Variants in PHACTR4 observed in about 807,000 individuals in gnomAD.
The protein encoded by PHACTR4 is protein phosphatase 1, regulatory subunit 124.
A neutral mutation model predicts 72.7 loss-of-function variants in PHACTR4; 51 were observed. That is an observed-to-expected ratio of 0.70 (90% confidence interval 0.56 to 0.89). The LOEUF is 0.89. Ranked by LOEUF, PHACTR4 falls within the 40% of genes least tolerant of loss-of-function variation. The pLI is 0.00. For missense variants in PHACTR4, 731 were observed against 861.8 expected (o/e 0.85, Z 1.90); for synonymous variants, 255 against 302.5 (o/e 0.84, Z 1.63).
At chr1:28,462,566 G>A (rs1430466679) in intron 4 of PHACTR4, among the ~76,000 whole-genome samples, 6 of 151,578 alleles carry the variant, frequency 4.0e-5, no homozygotes, top group African/African-American at 9.7e-5. Context: ...GGGTTTCACC[G>A]TTTTGGCCAG....
At chr1:28,457,342 C>T (rs989479462) in intron 2 of PHACTR4, 21 of 446,266 alleles carry the variant, frequency 4.7e-5, no homozygotes, top group Non-Finnish European at 7.7e-5. Flanking sequence ...CACCTTTAAT[C>T]CCAGTGCTTT....
intron 7 of PHACTR4, 39 bp downstream of exon 7, chr1:28,474,190 C>T (rs1659769482): frequency 2.6e-6 from 4 of 1,532,080 alleles, no homozygotes; most frequent in African/African-American, 2.8e-5. Context: ...TTCTCCTTTA[C>T]TCTAGATAGC....
intron 2 of PHACTR4, among the ~76,000 whole-genome samples, chr1:28,436,979 A>G (rs977591020): frequency 9.9e-5 from 15 of 152,262 alleles, no homozygotes; most frequent in Admixed American, 9.2e-4. Flanking sequence ...TATTTCGTTT[A>G]TTGTTTTAGT....
At chr1:28,430,002 C>T (rs1656136084) in intron 2 of PHACTR4, among the ~76,000 whole-genome samples, 1 of 152,010 alleles carries the variant, frequency 6.6e-6, no homozygotes, top group African/African-American at 2.4e-5. Context: ...TTCTGTCATC[C>T]CTCCTATGGC....
chr1:28,423,408 C>CAAATAAATAAAT lies in PHACTR4; in HGVS notation c.16+15970_16+15981dup, dbSNP rs148724281. Reference sequence around the variant, plus strand: ...TGGGCAACAGAGCAAGATCCTGCCTCAAATAAATAAATAAATAAATAAATA... The same window carrying CAAATAAATAAAT: ...TGGGCAACAGAGCAAGATCCTGCCTCAAATAAATAAATAAATAAATAAATAAATAAATAAATA... On this transcript the variant is annotated intron_variant, in intron 2 of 13. Transcript: ENST00000373839. Among the ~76,000 whole-genome samples the CAAATAAATAAAT allele has an allele frequency of 4.6e-3, 684 of 147,676 alleles. 3 individuals carry two copies. Among genetic ancestry groups the CAAATAAATAAAT allele is most frequent in the African/African-American group, 9.9e-3 (398 of 40,232 alleles).
chr1:28,385,080 A>T (rs1182103794), intron 1 of PHACTR4, among the ~76,000 whole-genome samples: 13 of 152,042 alleles, frequency 8.6e-5, no homozygotes, highest in Non-Finnish European at 1.5e-5. Context: ...TTGTAATGTT[A>T]GGTTGTTAAA....
intron 2 of PHACTR4, among the ~76,000 whole-genome samples, chr1:28,431,583 G>A (rs953084776): frequency 6.6e-6 from 1 of 151,930 alleles, no homozygotes; most frequent in Non-Finnish European, 1.5e-5. Context: ...AAAGCTTACC[G>A]TGATCTCAGT....
At chr1:28,444,835 G>C (rs1657331024) in intron 2 of PHACTR4, among the ~76,000 whole-genome samples, 1 of 146,120 alleles carries the variant, frequency 6.8e-6, no homozygotes, top group South Asian at 2.1e-4. Context: ...CACCGTGTTA[G>C]CCAGGATGGT....
At chr1:28,441,206 T>C (rs550592230) in intron 2 of PHACTR4, among the ~76,000 whole-genome samples, 1 of 152,154 alleles carries the variant, frequency 6.6e-6, no homozygotes, top group Non-Finnish European at 1.5e-5. Context: ...TAAGGCATAC[T>C]TCTTTTTTTT....
chr1:28,425,776 TGAAA>T (rs899622603), intron 2 of PHACTR4, among the ~76,000 whole-genome samples: 5 of 152,204 alleles, frequency 3.3e-5, no homozygotes, highest in African/African-American at 1.2e-4. Flanking sequence ...GGAAGAGTTG[TGAAA>T]GAGAGAGAAG....
intron 6 of PHACTR4, 109 bp from the exon 7 acceptor site, chr1:28,473,445 A>C: frequency 2.5e-6 from 2 of 814,644 alleles, no homozygotes; most frequent in Non-Finnish European, 4.0e-6. Flanking sequence ...GAAATTATTT[A>C]ACTTGCTTAA....
At chr1:28,393,288 C>G (rs140061252) in intron 1 of PHACTR4, among the ~76,000 whole-genome samples, 1 of 152,174 alleles carries the variant, frequency 6.6e-6, no homozygotes, top group African/African-American at 2.4e-5. Context: ...GGGACAACAT[C>G]TTTATATACT....
intron 2 of PHACTR4, among the ~76,000 whole-genome samples, chr1:28,454,558 C>G (rs991487244): frequency 1.3e-5 from 2 of 151,992 alleles, no homozygotes; most frequent in Non-Finnish European, 2.9e-5. Flanking sequence ...GCCGCCGCGC[C>G]CGGCCATCAC....
At chr1:28,374,945 G>A (rs936615859) in intron 1 of PHACTR4, among the ~76,000 whole-genome samples, 7 of 152,158 alleles carry the variant, frequency 4.6e-5, no homozygotes, top group Non-Finnish European at 1.0e-4. Flanking sequence ...AGAGGGAGTA[G>A]AATAAGTATT....
intron 2 of PHACTR4, chr1:28,432,985 A>AC (rs1156713293): frequency 2.9e-6 from 2 of 701,672 alleles, no homozygotes; most frequent in East Asian, 2.7e-4. Flanking sequence ...GACTCAAGCA[A>AC]CCCCCGCTTG....
rs756077420 is a variant in PHACTR4, at chr1:28,480,434, CT to C, written c.1607-15del. The C allele has an allele frequency of 2.0e-5, 32 of 1,608,504 alleles. No homozygotes were observed. Among genetic ancestry groups the C allele is most frequent in the East Asian group, 2.2e-5 (1 of 44,820 alleles). ...TAAGCCTCAAGTTCTACATTTTTTTCTTCCCCGTGTGCAAAGGTGCTCTCGC... is the reference window on the plus strand; with the variant it reads ...TAAGCCTCAAGTTCTACATTTTTTTCTCCCCGTGTGCAAAGGTGCTCTCGC... On this transcript the variant is annotated splice_polypyrimidine_tract_variant and intron_variant, in intron 8 of 13. Coordinates refer to ENST00000373839, the MANE Select transcript of PHACTR4 (RefSeq NM_001048183.3).
chr1:28,449,614 G>C (rs1657786358), intron 2 of PHACTR4, among the ~76,000 whole-genome samples: 1 of 152,036 alleles, frequency 6.6e-6, no homozygotes, highest in Non-Finnish European at 1.5e-5. Context: ...CACTTTGGGA[G>C]GCCAAAGTGG....
chr1:28,391,188 A>G lies in PHACTR4; in HGVS notation c.-38-16222A>G, dbSNP rs189351158. Among the ~76,000 whole-genome samples the G allele has an allele frequency of 1.5e-4, 23 of 150,736 alleles. No homozygotes were observed. In the East Asian group the frequency reaches 4.3e-3, roughly 28 times the overall value. On this transcript the variant is annotated intron_variant, in intron 1 of 13. Transcript: ENST00000373839. ...GCCGAGGCAGGCGGATCATGAGGTC[A>G]GGAGATGGAGACCATCCTGGCTAAC... is the stretch of plus-strand genomic sequence containing the variant.
rs1661575220 is a variant in PHACTR4 at position 28,500,009 on chromosome 1, A to T, written c.*3460A>T. ...ACCCTTAATGTGCCAAGCTTGAAACAGGATTTGATTTCCTGAGCTACTTGT... is the reference window on the plus strand; with the variant it reads ...ACCCTTAATGTGCCAAGCTTGAAACTGGATTTGATTTCCTGAGCTACTTGT... On this transcript the variant is annotated 3_prime_UTR_variant, in exon 14 of 14. Transcript: ENST00000373839. 1 of 152,184 alleles carries T rather than the reference A, an allele frequency of 6.6e-6. No homozygotes were observed. The highest frequency in any genetic ancestry group is 6.6e-5 in the Admixed American group (1 of 15,254). 9.4% of individuals were successfully genotyped at this position (152,184 alleles called of 1,614,324 possible).
Sources: allele counts gnomAD v4.1 joint callset (sites outside exome capture counted in the v4.1 genomes callset), GRCh38; gene constraint gnomAD v4.1.1; transcripts MANE v1.5; gene names NCBI Gene and HGNC (gene_info 2026-07-23, HGNC 2026-07-21).